The following TG variants were observed in gnomAD, a reference collection of about 807,000 sequenced individuals.
TG encodes thyroid hormones.
Under a neutral mutation model 324.7 loss-of-function variants are expected in TG, and 270 were observed. The ratio of observed to expected loss-of-function variants is 0.83; its 90% CI spans 0.75 to 0.92. The LOEUF is 0.92. TG is among the 40% of genes least tolerant of loss of function. TG has a pLI of 0.00. For missense variants in TG, 3,591 were observed against 3,456.4 expected (o/e 1.04, Z -0.98); for synonymous variants, 1,401 against 1,327.0 (o/e 1.06, Z -1.21).
At position 133,029,915 on chromosome 8, in the gene TG, T is replaced by G; in HGVS notation, c.7131T>G (p.Pro2377=). 1 of 1,614,160 alleles carries G rather than the reference T, an allele frequency of 6.2e-7. No homozygotes were observed. The highest frequency in any genetic ancestry group is 8.5e-7 in the Non-Finnish European group (1 of 1,180,016). ...ACATCCGAGGATTTGGCGGGGACCC[T>G]CGGCGCGTGTCCCTGGCAGCAGACC... is the stretch of plus-strand genomic sequence containing the variant. ...QTHIRGFGGD[P]RRVSLAADRG... Residue 2377 remains proline, a synonymous_variant, in exon 41 of 48, where the codon CCT becomes CCG. Coordinates refer to ENST00000220616, the MANE Select transcript of TG (RefSeq NM_003235.5).
intron 35 of TG, among the ~76,000 whole-genome samples, chr8:132,988,104 G>C (rs1263830395): frequency 1.6e-5 from 2 of 122,276 alleles, no homozygotes; most frequent in Non-Finnish European, 1.8e-5. Context: ...ACACACACAC[G>C]AAATGAAGCT....
At chr8:133,003,941 C>A (rs138089085) in intron 35 of TG, among the ~76,000 whole-genome samples, 2 of 152,188 alleles carry the variant, frequency 1.3e-5, no homozygotes, top group African/African-American at 4.8e-5. Flanking sequence ...ACTTTTCCCT[C>A]CTATAAAGTA....
intron 10 of TG, among the ~76,000 whole-genome samples, chr8:132,889,971 G>A (rs1815998412): frequency 3.3e-5 from 5 of 151,796 alleles, no homozygotes; most frequent in Admixed American, 2.6e-4. Flanking sequence ...TAGTAGAGAC[G>A]GGGTTTCACC....
At chr8:133,131,732 AT>A in intron 45 of TG, 79 bp from the exon 46 acceptor site, 1 of 1,586,922 alleles carries the variant, frequency 6.3e-7, no homozygotes, top group South Asian at 1.1e-5. Context: ...TGGAAGAAAT[AT>A]TTTTGTTTGT....
intron 41 of TG, among the ~76,000 whole-genome samples, chr8:133,091,559 C>T (rs1157525730): frequency 6.6e-6 from 1 of 151,982 alleles, no homozygotes; most frequent in African/African-American, 2.4e-5. Context: ...TCAACAAGGG[C>T]AGCTTTGTGT....
In TG at chr8:132,899,898, T is replaced by C. The variant is rs1274678358; in HGVS notation, c.3331-339T>C. Among the ~76,000 whole-genome samples, 3 of 152,180 alleles carry C rather than the reference T, an allele frequency of 2.0e-5. No homozygotes were observed. The East Asian group carries it at 5.8e-4, about 29-fold the overall frequency. On this transcript the variant is annotated intron_variant, in intron 14 of 47. Coordinates refer to ENST00000220616, the MANE Select transcript of TG (RefSeq NM_003235.5). The stretch of plus-strand genomic sequence containing the variant: ...GGCTGGTCCAGGAGCATGGCTAGGC[T>C]TTGGGTCTAGATGGGTTTGGGCCTG...
At chr8:133,030,104 T>A in intron 41 of TG, 81 bp downstream of exon 41, 1 of 1,546,500 alleles carries the variant, frequency 6.5e-7, no homozygotes, top group Non-Finnish European at 8.9e-7. Flanking sequence ...AAAAGTCTAG[T>A]TGGCTTCAAT....
intron 35 of TG, among the ~76,000 whole-genome samples, chr8:132,987,906 A>G (rs900691360): frequency 6.6e-6 from 1 of 152,160 alleles, no homozygotes; most frequent in Non-Finnish European, 1.5e-5. Flanking sequence ...ACAGAAATGC[A>G]GTGTTTAGAG....
rs192574489 is a variant in TG, at chr8:133,015,865, A to G, written c.6563-1913A>G. Among the ~76,000 whole-genome samples, 50 of 152,276 alleles carry G rather than the reference A, an allele frequency of 3.3e-4. 1 individual carries two copies. Among genetic ancestry groups the G allele is most frequent in the African/African-American group, 1.2e-3 (48 of 41,542 alleles). On this transcript the variant is annotated intron_variant, in intron 37 of 47. Transcript: ENST00000220616. ...CTTTCCAGCCTGAGTTTCCATTTTG[A>G]GTTCTAACTCATATTCCAATGTCTT...
chr8:133,074,256 A>G (rs1844526350), intron 41 of TG, among the ~76,000 whole-genome samples: 1 of 152,124 alleles, frequency 6.6e-6, no homozygotes, highest in South Asian at 2.1e-4. Context: ...TATCTTCGGC[A>G]TCTTCTTAAA....
intron 45 of TG, among the ~76,000 whole-genome samples, chr8:133,117,529 C>G (rs745884604): frequency 6.6e-5 from 10 of 152,162 alleles, no homozygotes; most frequent in Non-Finnish European, 1.3e-4. Context: ...TGGGAAAACC[C>G]CAGAACCCTT....
rs112003182 is a variant in TG, at chr8:132,933,606, C to T, written c.4862C>T (p.Thr1621Met). 25 of 1,613,954 alleles carry T rather than the reference C, an allele frequency of 1.5e-5. No homozygotes were observed. The highest frequency in any genetic ancestry group is 7.7e-5 in the South Asian group (7 of 91,086). ...EACSFFTVST[T>M]EPEISCDFYA... ...TGCAGCTTCTTCACCGTGTCCACGA[C>T]GGAGCCAGAGATTTCCTGTGATTTC... Residue 1621 changes from threonine (T) to methionine (M), a missense_variant, in exon 24 of 48, where the codon ACG (threonine) becomes ATG (methionine). By Grantham distance (81) the Thr-to-Met change is moderately conservative (BLOSUM62 -1). Coordinates refer to ENST00000220616, the MANE Select transcript of TG (RefSeq NM_003235.5).
intron 4 of TG, among the ~76,000 whole-genome samples, chr8:132,871,780 C>G (rs983461416): frequency 6.6e-6 from 1 of 152,296 alleles, no homozygotes; most frequent in South Asian, 2.1e-4. Context: ...TTTCATTGAA[C>G]GTTGTGAGTC....
At chr8:133,102,805 G>A (rs1849429801) in intron 43 of TG, 2 of 476,730 alleles carry the variant, frequency 4.2e-6, no homozygotes, top group African/African-American at 2.0e-5. Context: ...GCATCTCCAA[G>A]GAAGGCGAGA....
intron 41 of TG, among the ~76,000 whole-genome samples, chr8:133,079,229 C>T (rs1470125926): frequency 6.6e-6 from 1 of 152,184 alleles, no homozygotes; most frequent in East Asian, 1.9e-4. Flanking sequence ...CAAAAAGACA[C>T]CCAGTACCAT....
intron 41 of TG, among the ~76,000 whole-genome samples, chr8:133,051,437 A>G (rs1840382552): frequency 6.6e-6 from 1 of 152,214 alleles, no homozygotes; most frequent in African/African-American, 2.4e-5. Flanking sequence ...GTGTGAGGCA[A>G]AATGAGTTCT....
In TG at chr8:132,938,046, T is replaced by A. The variant is rs373716880; in HGVS notation, c.5041+2182T>A. Among the ~76,000 whole-genome samples, 60 of 152,310 alleles carry A rather than the reference T, an allele frequency of 3.9e-4. 1 individual carries two copies. The highest frequency in any genetic ancestry group is 1.4e-3 in the African/African-American group (58 of 41,552). ...GTCTGGCTTCCAACTCCCGCCTCCC[T>A]CTTCCTGGCTCTGTCTCTGATCAGG... On this transcript the variant is annotated intron_variant, in intron 25 of 47. Coordinates refer to ENST00000220616, the MANE Select transcript of TG (RefSeq NM_003235.5).
intron 22 of TG, 149 bp from the exon 23 acceptor site, chr8:132,928,927 C>T: frequency 1.4e-6 from 1 of 709,454 alleles, no homozygotes; most frequent in Non-Finnish European, 2.6e-6. Context: ...GTTGGAGCTA[C>T]CTTACAAAGG....
chr8:132,897,611 G>C (rs774077959), intron 11 of TG, 38 bp from the exon 12 acceptor site: 1 of 1,613,660 alleles, frequency 6.2e-7, no homozygotes, highest in Admixed American at 1.7e-5. Context: ...ACACAGAGCA[G>C]GTGGTCATAT....
Sources: gnomAD v4.1 joint callset for allele counts (sites outside exome capture counted in the v4.1 genomes callset) on GRCh38, gnomAD v4.1.1 for gene constraint, MANE v1.5 for transcripts, NCBI Gene and HGNC (gene_info 2026-07-23, HGNC 2026-07-21) for gene names.